The following SLC30A5 variants were observed in gnomAD, a reference collection of about 807,000 sequenced individuals.
SLC30A5 encodes proton-coupled zinc antiporter SLC30A5.
In SLC30A5, 33 loss-of-function variants were observed where a neutral mutation model predicts 79.6. The ratio of observed to expected loss-of-function variants is 0.41; its 90% CI spans 0.31 to 0.55. The LOEUF (loss-of-function observed/expected upper bound fraction) is 0.55, where lower values mean the gene tolerates loss of function less well. SLC30A5 is among the 20% of genes least tolerant of loss of function. The pLI is 0.20. For synonymous variants in SLC30A5, 299 were observed against 319.7 expected (o/e 0.94, Z 0.69); for missense variants, 788 against 928.1 (o/e 0.85, Z 1.96).
intron 14 of SLC30A5, among the ~76,000 whole-genome samples, chr5:69,125,080 A>T (rs974339881): frequency 6.6e-6 from 1 of 152,146 alleles, no homozygotes; most frequent in Non-Finnish European, 1.5e-5. Flanking sequence ...ACTGTCCATA[A>T]TTCTTTAAGT....
At chr5:69,125,051 T>TA (rs1746638162) in intron 14 of SLC30A5, among the ~76,000 whole-genome samples, 1 of 152,146 alleles carries the variant, frequency 6.6e-6, no homozygotes, top group African/African-American at 2.4e-5. Context: ...TTGCAGCACA[T>TA]ATAAACAGGC....
chr5:69,101,479 A>C (rs1383192316), intron 2 of SLC30A5, among the ~76,000 whole-genome samples: 1 of 151,462 alleles, frequency 6.6e-6, no homozygotes. Flanking sequence ...GGGTTTCACC[A>C]TGTTGGCCAG....
At position 69,108,331 on chromosome 5, in the gene SLC30A5, A is replaced by C. The variant is rs758644382; in HGVS notation, c.360-18A>C. 5 of 1,566,818 alleles carry C rather than the reference A, an allele frequency of 3.2e-6. No individual in the cohort carries two copies. In the Admixed American group the frequency reaches 8.4e-5, roughly 26 times the overall value. On this transcript the variant is annotated intron_variant, in intron 4 of 15. Transcript: ENST00000396591. ...AGATAAATTACATTTCATAAATGAT[A>C]ATGTTTTATTTTTGTAGGACTTTGC... is the stretch of plus-strand genomic sequence containing the variant.
intron 4 of SLC30A5, among the ~76,000 whole-genome samples, chr5:69,105,003 A>G (rs1324223305): frequency 1.3e-5 from 2 of 152,244 alleles, no homozygotes; most frequent in African/African-American, 4.8e-5. Context: ...TCATTTATTC[A>G]TGATCCCTGT....
chr5:69,108,535 C>A, intron 5 of SLC30A5, 99 bp downstream of exon 5: 1 of 976,320 alleles, frequency 1.0e-6, no homozygotes, highest in Non-Finnish European at 1.6e-6. Context: ...TAAAAGAATG[C>A]AGGAGGCTGA....
intron 5 of SLC30A5, among the ~76,000 whole-genome samples, chr5:69,109,427 G>A (rs755023442): frequency 9.9e-5 from 15 of 151,290 alleles, no homozygotes; most frequent in African/African-American, 1.2e-4. Flanking sequence ...TTTTACATAC[G>A]ATCGTGTGTG....
intron 1 of SLC30A5, among the ~76,000 whole-genome samples, chr5:69,100,030 G>A (rs1328158583): frequency 1.3e-5 from 2 of 152,192 alleles, no homozygotes; most frequent in Non-Finnish European, 2.9e-5. Context: ...GTGCAGTGGT[G>A]CAATTTCGAC....
intron 5 of SLC30A5, among the ~76,000 whole-genome samples, chr5:69,109,397 C>A (rs1008442689): frequency 6.6e-6 from 1 of 151,138 alleles, no homozygotes; most frequent in Non-Finnish European, 1.5e-5. Context: ...AATCCATAGA[C>A]CTTACTCAGA....
At position 69,123,348 on chromosome 5, in the gene SLC30A5, A is replaced by G. The variant is rs1272588987; in HGVS notation, c.1921A>G (p.Ile641Val). 1 of 1,614,030 alleles carries G rather than the reference A, an allele frequency of 6.2e-7. No individual in the cohort carries two copies. The highest frequency in any genetic ancestry group is 1.3e-5 in the African/African-American group (1 of 75,036). Residue 641 changes from isoleucine to valine, a missense_variant, in exon 14 of 16, where the codon ATT becomes GTT. Ile to Val is a conservative substitution (Grantham distance 29, BLOSUM62 3). Coordinates refer to ENST00000396591, the MANE Select transcript of SLC30A5 (RefSeq NM_022902.5). ...AATATTTCTCAGTGTTGTTCCACTGATTAAAGATGCCTGCCAGGTTCTACT... is the reference window on the plus strand; with the variant it reads ...AATATTTCTCAGTGTTGTTCCACTGGTTAAAGATGCCTGCCAGGTTCTACT... ...ILIFLSVVPL[I>V]KDACQVLLLR... is the part of the protein sequence containing the mutation.
Position 69,115,957 on chromosome 5 carries a change from T to C in SLC30A5, c.815T>C (p.Met272Thr), listed in dbSNP as rs774217728. Reference protein sequence around the residue: ...SKVESWFSLIMPFATVIFFVM... With the variant: ...SKVESWFSLITPFATVIFFVM... ...GTGGAGTCTTGGTTTTCTCTCATTATGCCTTTTGCAACGGTTATCTTTTTT... is the reference window on the plus strand; with the variant it reads ...GTGGAGTCTTGGTTTTCTCTCATTACGCCTTTTGCAACGGTTATCTTTTTT... Residue 272 changes from methionine (M) to threonine (T), a missense_variant, in exon 9 of 16, where the codon ATG (methionine) becomes ACG (threonine). Transcript: ENST00000396591. The C allele has an allele frequency of 6.2e-7, 1 of 1,613,668 alleles. No homozygotes were observed. Among genetic ancestry groups the C allele is most frequent in the South Asian group, 1.1e-5 (1 of 91,034 alleles).
At chr5:69,127,598 G>A (rs1397261898) in intron 14 of SLC30A5, among the ~76,000 whole-genome samples, 1 of 151,950 alleles carries the variant, frequency 6.6e-6, no homozygotes, top group East Asian at 1.9e-4. Flanking sequence ...GAGCCAAGAT[G>A]GTGCCACTGC....
At chr5:69,121,923 T>C (rs778593922) in intron 13 of SLC30A5, 28 bp downstream of exon 13, 11 of 1,559,004 alleles carry the variant, frequency 7.1e-6, no homozygotes, top group Non-Finnish European at 9.7e-6. Context: ...ATTATCCTAC[T>C]TTTCAACTGT....
rs563399120 is a variant in SLC30A5, at chr5:69,117,390, C to T, written c.1433C>T (p.Ser478Phe). Residue 478 changes from serine (S) to phenylalanine (F), a missense_variant, in exon 11 of 16, where the codon TCC (serine) becomes TTC (phenylalanine). By Grantham distance (155) the Ser-to-Phe change is radical. Around this residue, in one of 3 missense-constraint regions of SLC30A5, gnomAD observed 626 missense variants for 755.5 expected, o/e 0.83. Coordinates refer to ENST00000396591, the MANE Select transcript of SLC30A5 (RefSeq NM_022902.5). ...MSRWKATRIF[S>F]YGYGRIEILS... is the part of the protein sequence containing the mutation. ...AGGTGGAAAGCCACTCGGATTTTCT[C>T]CTATGGGTAGGTACATTGACTGTCG... is the stretch of plus-strand genomic sequence containing the variant. The T allele has an allele frequency of 1.2e-5, 19 of 1,613,674 alleles. No homozygotes were observed. In the South Asian group the frequency reaches 1.8e-4, roughly 15 times the overall value.
At chr5:69,098,059 G>A (rs1309714742) in intron 1 of SLC30A5, among the ~76,000 whole-genome samples, 1 of 151,588 alleles carries the variant, frequency 6.6e-6, no homozygotes, top group East Asian at 1.9e-4. Flanking sequence ...TATTGCCCAG[G>A]TTGGTCTTGA....
chr5:69,098,576 A>G (rs1274867651), intron 1 of SLC30A5, among the ~76,000 whole-genome samples: 3 of 152,232 alleles, frequency 2.0e-5, no homozygotes, highest in Admixed American at 2.0e-4. Context: ...TGGCTAAAAA[A>G]TAAAAATCAG....
rs147561411 is a variant in SLC30A5 at position 69,114,184 on chromosome 5, G to A, written c.536-236G>A. Among the ~76,000 whole-genome samples the A allele has an allele frequency of 0.013, 1,979 of 152,250 alleles. 26 individuals are homozygous for A. Among genetic ancestry groups the A allele is most frequent in the Non-Finnish European group, 0.018 (1,239 of 68,026 alleles). ...CTTAAGCACTATTATAATTGTTTTG[G>A]AGACAACAAAAGAAATACAGGCATT... On this transcript the variant is annotated intron_variant, in intron 6 of 15. Coordinates refer to ENST00000396591, the MANE Select transcript of SLC30A5 (RefSeq NM_022902.5).
chr5:69,108,652 T>C (rs1746150298), intron 5 of SLC30A5, among the ~76,000 whole-genome samples: 1 of 151,978 alleles, frequency 6.6e-6, no homozygotes, highest in Non-Finnish European at 1.5e-5. Context: ...TGAAATTCCA[T>C]CTCCACTAAA....
At chr5:69,117,211 C>T in intron 10 of SLC30A5, 28 bp from the exon 11 acceptor site, 8 of 1,573,270 alleles carry the variant, frequency 5.1e-6, no homozygotes, top group Non-Finnish European at 6.9e-6. Flanking sequence ...CAACATACTC[C>T]TCCCTTTTTT....
At chr5:69,115,163 A>T in intron 7 of SLC30A5, 74 bp from the exon 8 acceptor site, 2 of 838,904 alleles carry the variant, frequency 2.4e-6, no homozygotes, top group African/African-American at 2.0e-5. Context: ...AAAAAAAAAA[A>T]AAGATCATGT....
Sources: allele counts gnomAD v4.1 joint callset (sites outside exome capture counted in the v4.1 genomes callset), GRCh38; gene constraint gnomAD v4.1.1; regional missense constraint gnomAD v4.1.1; transcripts MANE v1.5; gene names NCBI Gene and HGNC (gene_info 2026-07-23, HGNC 2026-07-21).